NAV3: variants seen among roughly 807,000 people sequenced by gnomAD.
NAV3 encodes neuron navigator 3.
Under a neutral mutation model 244.7 loss-of-function variants are expected in NAV3, and 87 were observed. That is an observed-to-expected ratio of 0.36 (90% CI 0.30 to 0.42). The LOEUF (loss-of-function observed/expected upper bound fraction) is 0.42. Among genes scored for constraint, NAV3 ranks in the 20% least tolerant of loss-of-function variants. NAV3 has a pLI of 1.00. For missense variants in NAV3, 2,663 were observed against 2,893.3 expected (o/e 0.92, Z 1.83); for synonymous variants, 1,126 against 1,042.2 (o/e 1.08, Z -1.55).
chr12:77,785,564 G>T (rs1376761433), intron 2 of NAV3, among the ~76,000 whole-genome samples: 1 of 152,136 alleles, frequency 6.6e-6, no homozygotes, highest in East Asian at 1.9e-4. Flanking sequence ...ATAACAAATT[G>T]CTGTATTAGG....
intron 2 of NAV3, among the ~76,000 whole-genome samples, chr12:77,658,634 G>A (rs866724858): frequency 2.6e-5 from 4 of 151,876 alleles, no homozygotes; most frequent in Admixed American, 1.3e-4. Flanking sequence ...GAACCAAAAA[G>A]GAGCCCGCAT....
Position 78,182,459 on chromosome 12 carries a change from C to T in NAV3, c.5692+1414C>T, listed in dbSNP as rs558939536. Among the ~76,000 whole-genome samples, 5 of 152,030 alleles carry T rather than the reference C, an allele frequency of 3.3e-5. No homozygotes were observed. In the South Asian group the frequency reaches 1.0e-3, roughly 32 times the overall value. On this transcript the variant is annotated intron_variant, in intron 30 of 39. Coordinates refer to ENST00000397909, the MANE Select transcript of NAV3 (RefSeq NM_001024383.2). ...AGGTCAGACTAATGGTAGGGTTTCA[C>T]TGCCTTTTATAAAATTCTGTTTTAT... is the stretch of plus-strand genomic sequence containing the variant.
chr12:78,163,890 G>A (rs1405674034), intron 23 of NAV3, among the ~76,000 whole-genome samples: 1 of 151,946 alleles, frequency 6.6e-6, no homozygotes, highest in East Asian at 1.9e-4. Flanking sequence ...AATTAAACCT[G>A]ATGCCCTGAG....
chr12:78,113,386 G>C (rs300437), intron 12 of NAV3, among the ~76,000 whole-genome samples: 123,071 of 152,226 alleles, frequency 0.81, 50,047 homozygotes, highest in Non-Finnish European at 0.85. Context: ...GGGCTCCACC[G>C]CTGCAGCAAA....
At chr12:77,989,901 C>T (rs1355114340) in intron 5 of NAV3, among the ~76,000 whole-genome samples, 1 of 152,120 alleles carries the variant, frequency 6.6e-6, no homozygotes, top group Non-Finnish European at 1.5e-5. Context: ...TTAAATTTCT[C>T]ATGGACCCAT....
intron 17 of NAV3, among the ~76,000 whole-genome samples, 157 bp from the exon 18 acceptor site, chr12:78,128,549 C>A (rs143222812): frequency 1.4e-4 from 21 of 152,108 alleles, no homozygotes; most frequent in Non-Finnish European, 2.4e-4. Flanking sequence ...AAACAGATGG[C>A]GTAAGATCAT....
At chr12:77,608,623 G>T (rs1870774239) in intron 2 of NAV3, among the ~76,000 whole-genome samples, 1 of 152,026 alleles carries the variant, frequency 6.6e-6, no homozygotes, top group African/African-American at 2.4e-5. Context: ...TATTTTCTAG[G>T]TCTATAGCCT....
chr12:78,030,322 G>A (rs907182033), intron 9 of NAV3, among the ~76,000 whole-genome samples: 3 of 152,078 alleles, frequency 2.0e-5, no homozygotes, highest in African/African-American at 7.2e-5. Flanking sequence ...CTGAGTTCTG[G>A]ATGCTAGTGA....
At chr12:78,077,783 C>T (rs1490830530) in intron 12 of NAV3, among the ~76,000 whole-genome samples, 2 of 152,116 alleles carry the variant, frequency 1.3e-5, no homozygotes, top group African/African-American at 4.8e-5. Flanking sequence ...ACTAAAAATA[C>T]AAAAATTATC....
At chr12:78,120,043 A>G in intron 15 of NAV3, 98 bp downstream of exon 15, 1 of 794,472 alleles carries the variant, frequency 1.3e-6, no homozygotes, top group Non-Finnish European at 1.8e-6. Context: ...TATTTTAAAT[A>G]TGTATAAGGT....
intron 5 of NAV3, among the ~76,000 whole-genome samples, chr12:77,975,493 T>C (rs1868308582): frequency 6.6e-6 from 1 of 152,200 alleles, no homozygotes. Flanking sequence ...GAACAATTTT[T>C]TGCTAATTTA....
At chr12:78,065,584 T>C (rs1306411357) in intron 12 of NAV3, among the ~76,000 whole-genome samples, 4 of 152,182 alleles carry the variant, frequency 2.6e-5, no homozygotes, top group African/African-American at 7.2e-5. Flanking sequence ...AGAGGAAATA[T>C]GCAATACTAT....
chr12:77,794,634 G>A (rs148562862), intron 2 of NAV3, among the ~76,000 whole-genome samples: 2 of 152,268 alleles, frequency 1.3e-5, no homozygotes, highest in East Asian at 1.9e-4. Flanking sequence ...ACTAATTGAA[G>A]GTTTGTGGCA....
intron 2 of NAV3, among the ~76,000 whole-genome samples, chr12:77,666,437 A>G (rs566733661): frequency 1.6e-4 from 25 of 152,262 alleles, no homozygotes; most frequent in Non-Finnish European, 3.4e-4. Context: ...ATGAAGAGAG[A>G]CGCTATTTAA....
At chr12:77,697,194 G>A (rs1875345005) in intron 2 of NAV3, among the ~76,000 whole-genome samples, 1 of 152,078 alleles carries the variant, frequency 6.6e-6, no homozygotes, top group South Asian at 2.1e-4. Flanking sequence ...AGGCTTCCCT[G>A]AGTCCATTTC....
intron 28 of NAV3, among the ~76,000 whole-genome samples, chr12:78,179,035 A>G (rs147707301): frequency 4.6e-5 from 7 of 152,194 alleles, no homozygotes; most frequent in African/African-American, 1.7e-4. Flanking sequence ...ATTTTCTACA[A>G]TGTTTATATT....
chr12:77,968,757 G>GT, intron 5 of NAV3, 55 bp downstream of exon 5: 4 of 1,528,494 alleles, frequency 2.6e-6, no homozygotes, highest in Non-Finnish European at 3.6e-6. Context: ...GATACAACTT[G>GT]TTTTTAACAA....
chr12:78,113,897 T>C (rs1955234108), intron 12 of NAV3, among the ~76,000 whole-genome samples: 1 of 152,194 alleles, frequency 6.6e-6, no homozygotes, highest in African/African-American at 2.4e-5. Context: ...TAAGTTCCAA[T>C]TCCAAACCAT....
intron 2 of NAV3, among the ~76,000 whole-genome samples, chr12:77,681,864 T>C (rs1350027686): frequency 2.0e-5 from 3 of 152,234 alleles, no homozygotes; most frequent in East Asian, 3.8e-4. Context: ...CTTTTTTAAA[T>C]TGACAAGTAA....
Sources: gnomAD v4.1 joint callset for allele counts (sites outside exome capture counted in the v4.1 genomes callset) on GRCh38, gnomAD v4.1.1 for gene constraint, MANE v1.5 for transcripts, NCBI Gene and HGNC (gene_info 2026-07-23, HGNC 2026-07-21) for gene names.